Variants in SPACA1 observed in about 807,000 individuals in gnomAD.
SPACA1 encodes sperm acrosome associated 1, also known as sperm acrosome membrane-associated protein 1.
Under a neutral mutation model 32.6 loss-of-function variants are expected in SPACA1, and 17 were observed. The ratio of observed to expected loss-of-function variants is 0.52; its 90% CI spans 0.36 to 0.78. The LOEUF is 0.78. Ranked by LOEUF, SPACA1 falls within the 30% of genes least tolerant of loss-of-function variation. The pLI is 0.01. For synonymous variants in SPACA1, 140 were observed against 138.1 expected, an observed-to-expected ratio of 1.01 and a Z score of -0.10; for missense variants, 363 against 373.4, an observed-to-expected ratio of 0.97 and a Z score of 0.23.
chr6:88,054,303 G>C (rs1357578890), intron 2 of SPACA1, among the ~76,000 whole-genome samples: 1 of 150,074 alleles, frequency 6.7e-6, no homozygotes, highest in Non-Finnish European at 1.5e-5. Context: ...GAAGACGAAA[G>C]ATTTTCCAAT....
rs1399743161 is a variant in SPACA1 at position 88,066,587 on chromosome 6, A to G, written c.*252A>G. On this transcript the variant is annotated 3_prime_UTR_variant, in exon 7 of 7. Coordinates refer to ENST00000237201, the MANE Select transcript of SPACA1 (RefSeq NM_030960.3). Reference sequence around the variant, plus strand: ...GGATATTTATCTAAAGGTACCCCCAACAAATCTTCTAAGTGCATTTTTGAT... The same window carrying G: ...GGATATTTATCTAAAGGTACCCCCAGCAAATCTTCTAAGTGCATTTTTGAT... 1 of 240,392 alleles carries G rather than the reference A, an allele frequency of 4.2e-6. No homozygotes were observed. The highest frequency in any genetic ancestry group is 5.3e-5 in the Admixed American group (1 of 18,862). 14.9% of individuals were successfully genotyped at this position (240,392 alleles called of 1,614,324 possible). A position where few individuals can be genotyped will look rare whatever the true frequency, so the allele number is the denominator to read the frequency against.
chr6:88,048,156 T>C (rs776529556), intron 1 of SPACA1, 43 bp downstream of exon 1: 306 of 1,535,000 alleles, frequency 2.0e-4, no homozygotes, highest in Admixed American at 2.4e-4. Context: ...GAGGCCCCTG[T>C]TGACGGAGCA....
Position 88,064,160 on chromosome 6 carries a change from C to A in SPACA1, c.672C>A (p.Thr224=), listed in dbSNP as rs761974525. 1.1e-5 allele frequency: 18 copies of A among 1,612,994 alleles called. No individual in the cohort carries two copies. The African/African-American group carries it at 2.1e-4, about 19-fold the overall frequency. The change falls in exon 6 of 7, where the codon ACC becomes ACA. Residue 224 remains threonine, a synonymous_variant. Coordinates refer to ENST00000237201, the MANE Select transcript of SPACA1 (RefSeq NM_030960.3). ...ATDAALIFVL[T]IGVIICVFII... ...ATGCAGCCCTAATTTTTGTGCTGACCATAGGAGTCATTATCTGTGTATTTA... is the reference window on the plus strand; with the variant it reads ...ATGCAGCCCTAATTTTTGTGCTGACAATAGGAGTCATTATCTGTGTATTTA...
At chr6:88,050,254 C>A (rs916399605) in intron 1 of SPACA1, among the ~76,000 whole-genome samples, 4 of 152,162 alleles carry the variant, frequency 2.6e-5, no homozygotes, top group African/African-American at 7.2e-5. Context: ...AGGATTAAAT[C>A]TTTCCTGTTG....
rs1037486029 is a variant in SPACA1, at chr6:88,064,356, C to A, written c.731+137C>A. The A allele has an allele frequency of 7.9e-6, 6 of 762,978 alleles. No homozygotes were observed. The East Asian group carries it at 1.8e-4, about 23-fold the overall frequency. The allele number at this position is 762,978 out of a possible 1,614,324, so 47.3% of individuals were successfully genotyped here. On this transcript the variant is annotated intron_variant, in intron 6 of 6. Transcript: ENST00000237201. ...AAACTGTCCATCGCCTTTCATTACT[C>A]CTGTGACTGCCCTAGTTCAGGCTGC...
At position 88,048,077 on chromosome 6, in the gene SPACA1, A is replaced by G; in HGVS notation, c.172A>G (p.Thr58Ala). 1 of 1,601,142 alleles carries G rather than the reference A, an allele frequency of 6.2e-7. No individual in the cohort carries two copies. Among genetic ancestry groups the G allele is most frequent in the Non-Finnish European group, 8.5e-7 (1 of 1,175,334 alleles). The change falls in exon 1 of 7, where the codon ACC becomes GCC. Residue 58 changes from threonine to alanine, a missense_variant. Thr to Ala is a moderately conservative substitution (Grantham distance 58). Coordinates refer to ENST00000237201, the MANE Select transcript of SPACA1 (RefSeq NM_030960.3). Reference sequence around the variant, plus strand: ...GGAGACCGAAAACAACGACAGCGAGACCGCGGAGAACTACGCTCCGCCTGA... The same window carrying G: ...GGAGACCGAAAACAACGACAGCGAGGCCGCGGAGAACTACGCTCCGCCTGA... ...EEETENNDSE[T>A]AENYAPPETE...
intron 1 of SPACA1, among the ~76,000 whole-genome samples, chr6:88,049,162 A>G (rs1020757876): frequency 1.3e-5 from 2 of 152,240 alleles, no homozygotes; most frequent in African/African-American, 4.8e-5. Context: ...AATGTGAAAA[A>G]GAAAGATGAC....
chr6:88,047,770 C>A, upstream of SPACA1: 3 of 868,928 alleles, frequency 3.5e-6, no homozygotes, highest in South Asian at 3.6e-5. Flanking sequence ...CCCCGGCAAC[C>A]ATTGAGGCGT....
At chr6:88,055,955 C>T (rs1473781394) in intron 2 of SPACA1, among the ~76,000 whole-genome samples, 2 of 151,480 alleles carry the variant, frequency 1.3e-5, no homozygotes, top group Non-Finnish European at 1.5e-5. Flanking sequence ...GGCGACAAAG[C>T]GAGACTCCAT....
In SPACA1 at chr6:88,058,757, G is replaced by A. The variant is rs562991674; in HGVS notation, c.409G>A (p.Ala137Thr). ...AGAAAGTCTTGAAAGTGTTAGATTGGCATGTATTCACACATCTCCCTTAAA... is the reference window on the plus strand; with the variant it reads ...AGAAAGTCTTGAAAGTGTTAGATTGACATGTATTCACACATCTCCCTTAAA... ...ISESLESVRL[A>T]CIHTSPLNRF... Residue 137 changes from alanine to threonine, a missense_variant, in exon 4 of 7, where the codon GCA (alanine) becomes ACA (threonine). By Grantham distance (58) the Ala-to-Thr change is moderately conservative. Transcript: ENST00000237201. The A allele has an allele frequency of 1.9e-6, 3 of 1,613,734 alleles. No homozygotes were observed. The South Asian group carries it at 3.3e-5, about 18-fold the overall frequency.
chr6:88,055,032 T>C (rs1450658620), intron 2 of SPACA1, among the ~76,000 whole-genome samples: 2 of 152,050 alleles, frequency 1.3e-5, no homozygotes, highest in Admixed American at 6.5e-5. Flanking sequence ...CTTAAAATTG[T>C]TTTAACCTGT....
intron 5 of SPACA1, 68 bp downstream of exon 5, chr6:88,059,656 G>A: frequency 1.4e-6 from 2 of 1,473,084 alleles, no homozygotes; most frequent in Non-Finnish European, 1.8e-6. Flanking sequence ...ATCACTTAGA[G>A]GCTTGTTAAA....
intron 1 of SPACA1, among the ~76,000 whole-genome samples, chr6:88,048,687 G>A (rs887101202): frequency 5.3e-5 from 8 of 152,190 alleles, no homozygotes; most frequent in African/African-American, 1.9e-4. Flanking sequence ...GAATGGAGCA[G>A]TAGAAAACAC....
chr6:88,064,074 C>A, intron 5 of SPACA1, 25 bp from the exon 6 acceptor site: 2 of 1,609,066 alleles, frequency 1.2e-6, no homozygotes, highest in Non-Finnish European at 1.7e-6. Flanking sequence ...TAGTAATACT[C>A]CTTAGGTTTG....
chr6:88,062,631 C>T (rs1775913614), intron 5 of SPACA1, among the ~76,000 whole-genome samples: 1 of 152,052 alleles, frequency 6.6e-6, no homozygotes, highest in Admixed American at 6.5e-5. Flanking sequence ...AGCAGAGAGA[C>T]ATGGGAGAGA....
rs769731836 is a variant in SPACA1 at position 88,066,205 on chromosome 6, G to C, written c.755G>C (p.Gly252Ala). 7.5e-6 allele frequency: 12 copies of C among 1,595,850 alleles called. No homozygotes were observed. The South Asian group carries it at 9.1e-5, about 12-fold the overall frequency. ...INWAAVKAFW[G>A]AKASTPEVQS... ...AGGGCAGCAGTCAAGGCTTTCTGGG[G>C]GGCAAAAGCCTCTACACCTGAGGTA... The change falls in exon 7 of 7, where the codon GGG becomes GCG. Residue 252 changes from glycine (G) to alanine (A), a missense_variant. Transcript: ENST00000237201.
intron 1 of SPACA1, among the ~76,000 whole-genome samples, chr6:88,052,993 A>G (rs1361085180): frequency 1.3e-5 from 2 of 152,224 alleles, no homozygotes. Context: ...TATCTTAAGT[A>G]TGTTTGTAGT....
Position 88,058,954 on chromosome 6 carries a change from T to C in SPACA1, c.474+132T>C, listed in dbSNP as rs1775850765. 3 of 573,848 alleles carry C rather than the reference T, an allele frequency of 5.2e-6. No individual in the cohort carries two copies. In the South Asian group the frequency reaches 8.5e-5, roughly 16 times the overall value. 35.5% of individuals were successfully genotyped at this position (573,848 alleles called of 1,614,324 possible). A position where few individuals can be genotyped will look rare whatever the true frequency, so the allele number is the denominator to read the frequency against. On this transcript the variant is annotated intron_variant, in intron 4 of 6. Coordinates refer to ENST00000237201, the MANE Select transcript of SPACA1 (RefSeq NM_030960.3). ...AACGAAGTTAAGAATTATACAACTT[T>C]ATTATTTTGGAATTTTAAAATTTTC...
At position 88,048,116 on chromosome 6, in the gene SPACA1, G is replaced by A; in HGVS notation, c.208+3G>A. ...CGCTCCGCCTGAAACCGAGGATGGT[G>A]AGGGCGGGAGCTCCCTTGCGGGGCA... is the stretch of plus-strand genomic sequence containing the variant. On this transcript the variant is annotated splice_donor_region_variant and intron_variant, in intron 1 of 6. Coordinates refer to ENST00000237201, the MANE Select transcript of SPACA1 (RefSeq NM_030960.3). The A allele has an allele frequency of 6.3e-7, 1 of 1,583,076 alleles. No individual in the cohort carries two copies. Among genetic ancestry groups the A allele is most frequent in the Non-Finnish European group, 8.6e-7 (1 of 1,165,332 alleles).
Sources: allele counts gnomAD v4.1 joint callset (sites outside exome capture counted in the v4.1 genomes callset), GRCh38; gene constraint gnomAD v4.1.1; transcripts MANE v1.5; gene names NCBI Gene and HGNC (gene_info 2026-07-23, HGNC 2026-07-21).